Variants in ATP9B observed in about 807,000 individuals in gnomAD.
ATP9B encodes the protein ATPase phospholipid transporting 9B.
In ATP9B, 110 loss-of-function variants were observed where a neutral mutation model predicts 146.1. That is an observed-to-expected ratio of 0.75 (90% CI 0.65 to 0.88). ATP9B has a LOEUF of 0.88. ATP9B is among the 40% of genes least tolerant of loss of function. ATP9B has a pLI of 0.00. For missense variants in ATP9B, 1,499 were observed against 1,496.4 expected (o/e 1.00, Z -0.03); for synonymous variants, 604 against 569.7 (o/e 1.06, Z -0.86).
At chr18:79,373,413 C>T (rs1456910455) in intron 27 of ATP9B, among the ~76,000 whole-genome samples, 1 of 152,020 alleles carries the variant, frequency 6.6e-6, no homozygotes, top group African/African-American at 2.4e-5. Flanking sequence ...TAGCTAGGAT[C>T]CCATCTTATT....
At chr18:79,163,879 C>CAG (rs1290631648) in intron 7 of ATP9B, among the ~76,000 whole-genome samples, 1 of 150,874 alleles carries the variant, frequency 6.6e-6, no homozygotes, top group African/African-American at 2.4e-5. Context: ...TACACACACA[C>CAG]ACACACACAC....
intron 1 of ATP9B, among the ~76,000 whole-genome samples, chr18:79,082,463 A>T (rs1467159988): frequency 6.6e-6 from 1 of 152,178 alleles, no homozygotes; most frequent in Non-Finnish European, 1.5e-5. Flanking sequence ...AGGAGTTGTG[A>T]TCCTTTGGAG....
chr18:79,340,092 C>A (rs1427498590), intron 19 of ATP9B, among the ~76,000 whole-genome samples: 1 of 152,098 alleles, frequency 6.6e-6, no homozygotes, highest in Non-Finnish European at 1.5e-5. Context: ...ATCTGTAAAT[C>A]GACACATGAA....
chr18:79,261,396 T>G (rs1016228355), intron 12 of ATP9B, among the ~76,000 whole-genome samples: 8 of 152,272 alleles, frequency 5.3e-5, no homozygotes, highest in African/African-American at 1.9e-4. Context: ...GTGAATGTCC[T>G]TGTAATCAAA....
chr18:79,285,447 C>T (rs904079980), intron 13 of ATP9B, among the ~76,000 whole-genome samples: 6 of 152,308 alleles, frequency 3.9e-5, no homozygotes, highest in African/African-American at 7.2e-5. Context: ...TCATGTCCTT[C>T]GCCCACTTGT....
At position 79,347,827 on chromosome 18, in the gene ATP9B, G is replaced by A. The variant is rs754080745; in HGVS notation, c.2740G>A (p.Gly914Ser). 6.2e-6 allele frequency: 10 copies of A among 1,613,450 alleles called. No individual in the cohort carries two copies. The South Asian group carries it at 1.1e-4, about 18-fold the overall frequency. ...CTCCATCACGCAGTTCCGGCACATA[G>A]GCAGGCTGCTCATGGTGCACGGGCG... The part of the protein sequence containing the change: ...DFSITQFRHI[G>S]RLLMVHGRNS... Residue 914 changes from glycine to serine, a missense_variant, in exon 24 of 30, where the codon GGC (glycine) becomes AGC (serine). Physicochemically the swap from Gly to Ser is moderately conservative, Grantham distance 56 (BLOSUM62 0). Transcript: ENST00000426216.
At chr18:79,225,258 T>C (rs1038726964) in intron 11 of ATP9B, among the ~76,000 whole-genome samples, 1 of 152,214 alleles carries the variant, frequency 6.6e-6, no homozygotes, top group African/African-American at 2.4e-5. Context: ...TACCAAACGC[T>C]CTCTTTTACA....
intron 7 of ATP9B, among the ~76,000 whole-genome samples, chr18:79,175,853 G>C (rs1345054367): frequency 2.6e-5 from 4 of 152,070 alleles, no homozygotes; most frequent in Admixed American, 6.5e-5. Context: ...CACACACACA[G>C]ATACACACAT....
chr18:79,237,356 G>A (rs1447400493), intron 11 of ATP9B, among the ~76,000 whole-genome samples: 1 of 143,022 alleles, frequency 7.0e-6, no homozygotes, highest in East Asian at 2.0e-4. Flanking sequence ...GTCCGTGCAC[G>A]AGTCAGTGTC....
At chr18:79,282,406 T>C (rs1342246708) in intron 13 of ATP9B, among the ~76,000 whole-genome samples, 1 of 152,180 alleles carries the variant, frequency 6.6e-6, no homozygotes, top group Non-Finnish European at 1.5e-5. Flanking sequence ...TTCATTGTTG[T>C]CTTATTTAAG....
In ATP9B at chr18:79,274,882, C is replaced by T. The variant is rs1379029596; in HGVS notation, c.1269-2172C>T. On this transcript the variant is annotated intron_variant, in intron 12 of 29. Transcript: ENST00000426216. ...AATAACTTAATATTCCATGATACAA[C>T]AGCTCCGCGTAAGTCTAACCACGGA... Among the ~76,000 whole-genome samples the T allele has an allele frequency of 4.6e-5, 7 of 152,174 alleles. No homozygotes were observed. The East Asian group carries it at 9.6e-4, about 21-fold the overall frequency.
intron 23 of ATP9B, among the ~76,000 whole-genome samples, chr18:79,346,434 C>T (rs112271887): frequency 4.6e-5 from 7 of 150,772 alleles, no homozygotes; most frequent in Non-Finnish European, 8.9e-5. Context: ...CACGTCAGCA[C>T]GTGCTCAGCG....
chr18:79,144,871 A>G (rs895215924), intron 6 of ATP9B: 1 of 156,338 alleles, frequency 6.4e-6, no homozygotes, highest in Non-Finnish European at 1.4e-5. Context: ...ACAGTTAAAA[A>G]ATTTAAGAGG....
At position 79,285,561 on chromosome 18, in the gene ATP9B, G is replaced by T. The variant is rs2096429520; in HGVS notation, c.1411+8365G>T. 3.9e-5 allele frequency among the ~76,000 whole-genome samples: 6 copies of T among 151,968 alleles called. No individual in the cohort carries two copies. In the South Asian group the frequency reaches 1.2e-3, roughly 32 times the overall value. On this transcript the variant is annotated intron_variant, in intron 13 of 29. Transcript: ENST00000426216. ...GGTTGTGAAAATTTTCTCCCATTTT[G>T]TAGGTTGCCTGTTCACTCTGATGGT...
chr18:79,221,578 G>A (rs1405751214), intron 11 of ATP9B, among the ~76,000 whole-genome samples: 7 of 152,104 alleles, frequency 4.6e-5, no homozygotes, highest in East Asian at 1.9e-4. Flanking sequence ...AAAATTAGCC[G>A]GGCGTGGTGG....
intron 15 of ATP9B, among the ~76,000 whole-genome samples, chr18:79,328,054 C>CTCTGTGGTTAGCGTGCTCTCCG (rs2096769467): frequency 2.5e-5 from 1 of 40,202 alleles, no homozygotes; most frequent in African/African-American, 1.1e-4. Flanking sequence ...CGTGCTCTCT[C>CTCTGTGGTTAGCGTGCTCTCCG]TGGTTAGCGT....
chr18:79,186,670 GAA>G (rs1164867780), intron 8 of ATP9B, among the ~76,000 whole-genome samples: 1 of 152,114 alleles, frequency 6.6e-6, no homozygotes, highest in Non-Finnish European at 1.5e-5. Context: ...AGTTACTAGA[GAA>G]TATTTCTTTT....
At chr18:79,336,136 C>T (rs981292685) in intron 17 of ATP9B, among the ~76,000 whole-genome samples, 1 of 150,124 alleles carries the variant, frequency 6.7e-6, no homozygotes, top group African/African-American at 2.4e-5. Context: ...GCTCCCCTCG[C>T]CCGTCCCCAG....
intron 11 of ATP9B, among the ~76,000 whole-genome samples, chr18:79,218,495 C>T (rs1227481872): frequency 1.3e-5 from 2 of 148,206 alleles, no homozygotes; most frequent in South Asian, 2.2e-4. Context: ...GTTCCGTGTC[C>T]GGCACAGGCT....
Sources: gnomAD v4.1 joint callset for allele counts (sites outside exome capture counted in the v4.1 genomes callset) on GRCh38, gnomAD v4.1.1 for gene constraint, MANE v1.5 for transcripts, NCBI Gene and HGNC (gene_info 2026-07-23, HGNC 2026-07-21) for gene names.